The following COL11A2 variants were observed in gnomAD, a reference collection of about 807,000 sequenced individuals.
The protein encoded by COL11A2 is collagen alpha-2(XI) chain.
COL11A2 carries 116 observed loss-of-function variants against 273.4 expected under a neutral mutation model. The observed-to-expected ratio is 0.42, with a 90% CI of 0.36 to 0.49. COL11A2 has a LOEUF of 0.49. Ranked by LOEUF, COL11A2 falls within the 20% of genes least tolerant of loss-of-function variation. COL11A2 has a pLI of 0.00. For missense variants in COL11A2, 1,866 were observed against 2,309.0 expected (o/e 0.81, Z 3.93); for synonymous variants, 782 against 864.2 (o/e 0.90, Z 1.67).
Position 33,168,945 on chromosome 6 carries a change from T to C in COL11A2, c.3852+10A>G. The C allele has an allele frequency of 6.7e-7, 1 of 1,501,082 alleles. No homozygotes were observed. The highest frequency in any genetic ancestry group is 8.9e-7 in the Non-Finnish European group (1 of 1,118,724). 93.0% of individuals were successfully genotyped at this position (1,501,082 alleles called of 1,614,324 possible). Reference sequence around the variant, plus strand: ...CTTTTTGCCCCTTCCCTTCTCTGAGTAAGACTCACCCGAGGGCCACCTTCT... The same window carrying C: ...CTTTTTGCCCCTTCCCTTCTCTGAGCAAGACTCACCCGAGGGCCACCTTCT... On this transcript the variant is annotated intron_variant, in intron 52 of 65. Coordinates refer to ENST00000341947, the MANE Select transcript of COL11A2 (RefSeq NM_080680.3).
In COL11A2 at chr6:33,186,701, G is replaced by C. The variant is rs1772463509; in HGVS notation, c.724C>G (p.His242Asp). 1 of 1,613,596 alleles carries C rather than the reference G, an allele frequency of 6.2e-7. No individual in the cohort carries two copies. Residue 242 changes from histidine to aspartate, a missense_variant, in exon 5 of 66, where the codon CAC becomes GAC. Coordinates refer to ENST00000341947, the MANE Select transcript of COL11A2 (RefSeq NM_080680.3). ...TGCTGTGGAGATCTCTGGGCTCTGT[G>C]AGGCTGTTGGTTTTGGGGTCTTTCC... is the stretch of plus-strand genomic sequence containing the variant. ...QRERPQNQQP[H>D]RAQRSPQQQP...
intron 5 of COL11A2, 38 bp from the exon 6 acceptor site, chr6:33,185,816 G>T: frequency 1.4e-6 from 1 of 730,926 alleles, no homozygotes; most frequent in Non-Finnish European, 2.3e-6. Flanking sequence ...GAAGGGGATG[G>T]GGTAATTGGA....
At position 33,168,899 on chromosome 6, in the gene COL11A2, C is replaced by CG. The variant is rs1427388509; in HGVS notation, c.3852+55_3852+56insC. On this transcript the variant is annotated intron_variant, in intron 52 of 65. Transcript: ENST00000341947. ...CCAAGCCCAGCGGCCACACAGAGGA[C>CG]CCCCCCATAGAAGCCCCACCCTTTT... 3 of 1,472,654 alleles carry CG rather than the reference C, an allele frequency of 2.0e-6. No homozygotes were observed. The East Asian group carries it at 7.6e-5, about 38-fold the overall frequency. The allele number at this position is 1,472,654 out of a possible 1,614,324, so 91.2% of individuals were successfully genotyped here.
chr6:33,166,549 G>A lies in COL11A2; in HGVS notation c.4356C>T (p.Ser1452=), dbSNP rs199515114. The A allele has an allele frequency of 5.0e-5, 80 of 1,613,722 alleles. 1 individual carries two copies. In the East Asian group the frequency reaches 5.6e-4, roughly 11 times the overall value. ...GGGGACCTCCAGGACCAATGGGGCC[G>A]GATGCTCCTGGGATACCCTAGGAAG... ...QKGEMGIPGA[S]GPIGPGGPPG... is the part of the protein sequence containing the mutation. The change falls in exon 60 of 66, where the codon TCC becomes TCT. Residue 1452 remains serine, a synonymous_variant. Coordinates refer to ENST00000341947, the MANE Select transcript of COL11A2 (RefSeq NM_080680.3). This position sits in a 1 kb window ranked among gnomAD's most constrained non-coding sequence, Gnocchi z 4.8.
chr6:33,182,981 C>T (rs1771916348), intron 8 of COL11A2, among the ~76,000 whole-genome samples: 1 of 152,058 alleles, frequency 6.6e-6, no homozygotes, highest in African/African-American at 2.4e-5. Flanking sequence ...CTCTGAAATC[C>T]CATATCAACC....
Position 33,173,982 on chromosome 6 carries a change from A to T in COL11A2, c.2529+29T>A. The T allele has an allele frequency of 3.7e-6, 6 of 1,613,948 alleles. No homozygotes were observed. The highest frequency in any genetic ancestry group is 5.1e-6 in the Non-Finnish European group (6 of 1,179,956). ...CCCAAATGCCCCCCTCTGGACCTTG[A>T]GCCACCTGTTTCTCTCCCCTGCACT... On this transcript the variant is annotated intron_variant, in intron 33 of 65. Transcript: ENST00000341947. This position sits in a 1 kb window ranked among gnomAD's most constrained non-coding sequence, Gnocchi z 6.3.
In COL11A2 at chr6:33,165,483, C is replaced by T; in HGVS notation, c.4750+66G>A. ...ACCTTCACCAAGACTCCCCCAGCAT[C>T]CATTCTGCTTGTTCAGTACCCATGC... On this transcript the variant is annotated intron_variant, in intron 63 of 65. Coordinates refer to ENST00000341947, the MANE Select transcript of COL11A2 (RefSeq NM_080680.3). This position sits in a 1 kb window ranked among gnomAD's most constrained non-coding sequence, Gnocchi z 7.7. 1 of 1,599,660 alleles carries T rather than the reference C, an allele frequency of 6.3e-7. No homozygotes were observed. The highest frequency in any genetic ancestry group is 8.5e-7 in the Non-Finnish European group (1 of 1,177,842).
intron 1 of COL11A2, 88 bp downstream of exon 1, chr6:33,192,071 G>A: frequency 8.0e-7 from 1 of 1,245,176 alleles, no homozygotes; most frequent in East Asian, 2.5e-5. Flanking sequence ...CTCAGAAGCT[G>A]CTGCCCCAGG....
chr6:33,178,684 G>T lies in COL11A2; in HGVS notation c.1714C>A (p.His572Asn), dbSNP rs751888761. ...GLPGLPGEKG[H>N]RGDTGAQGLP... The stretch of plus-strand genomic sequence containing the variant: ...ACACCCACTAATGTACTCACCCTAT[G>T]GCCCTTCTCTCCAGGGAGCCCTGGG... Residue 572 changes from histidine to asparagine, a missense_variant, in exon 18 of 66, where the codon CAT (histidine) becomes AAT (asparagine). Coordinates refer to ENST00000341947, the MANE Select transcript of COL11A2 (RefSeq NM_080680.3). This position sits in a 1 kb window ranked among gnomAD's most constrained non-coding sequence, Gnocchi z 4.6. The T allele has an allele frequency of 9.3e-6, 15 of 1,612,788 alleles. 1 individual carries two copies. Among genetic ancestry groups the T allele is most frequent in the South Asian group, 7.7e-5 (7 of 91,078 alleles).
Position 33,174,198 on chromosome 6 carries a change from G to C in COL11A2, c.2451C>G (p.Gly817=). Residue 817 remains glycine, a synonymous_variant, in exon 32 of 66, where the codon GGC becomes GGG. Coordinates refer to ENST00000341947, the MANE Select transcript of COL11A2 (RefSeq NM_080680.3). ...QGPKGSLGFP[G]FPGASGEKGA... The stretch of plus-strand genomic sequence containing the variant: ...CCTTCTCTCCACTGGCACCAGGAAA[G>C]CCAGGAAATCCTAGGGACCCCTGGT... 6.3e-7 allele frequency: 1 copy of C among 1,577,234 alleles called. No individual in the cohort carries two copies.
chr6:33,171,172 G>C lies in COL11A2; in HGVS notation c.3313-5C>G. The C allele has an allele frequency of 6.2e-7, 1 of 1,609,664 alleles. No individual in the cohort carries two copies. Among genetic ancestry groups the C allele is most frequent in the Non-Finnish European group, 8.5e-7 (1 of 1,177,596 alleles). Reference sequence around the variant, plus strand: ...TCCAGGGGGTCCAGGAGGGCCCTGGGTAAGAGAAGAGAGTCAGAGACACCA... The same window carrying C: ...TCCAGGGGGTCCAGGAGGGCCCTGGCTAAGAGAAGAGAGTCAGAGACACCA... On this transcript the variant is annotated splice_region_variant and splice_polypyrimidine_tract_variant and intron_variant, in intron 44 of 65. Coordinates refer to ENST00000341947, the MANE Select transcript of COL11A2 (RefSeq NM_080680.3).
Position 33,173,727 on chromosome 6 carries a change from C to T in COL11A2, c.2602G>A (p.Gly868Ser). Residue 868 changes from glycine to serine, a missense_variant, in exon 35 of 66, where the codon GGC (glycine) becomes AGC (serine). Gly to Ser is a moderately conservative substitution (Grantham distance 56, BLOSUM62 0). Transcript: ENST00000341947. This position sits in a 1 kb window ranked among gnomAD's most constrained non-coding sequence, Gnocchi z 6.3. ...CTCTCTCCAGGGGGCCCATGGGGGC[C>T]ATCACCACCAGATGTTCCCTGTGGG... is the stretch of plus-strand genomic sequence containing the variant. ...SGAKGTSGGD[G>S]PHGPPGERGL... 6.3e-7 allele frequency: 1 copy of T among 1,581,614 alleles called. No homozygotes were observed. Among genetic ancestry groups the T allele is most frequent in the Non-Finnish European group, 8.6e-7 (1 of 1,162,180 alleles).
At position 33,177,685 on chromosome 6, in the gene COL11A2, G is replaced by A; in HGVS notation, c.1894C>T (p.Pro632Ser). The change falls in exon 22 of 66, where the codon CCC (proline) becomes TCC (serine). Residue 632 changes from proline (P) to serine (S), a missense_variant. Coordinates refer to ENST00000341947, the MANE Select transcript of COL11A2 (RefSeq NM_080680.3). The surrounding 1 kb of genome is among the most constrained non-coding windows in gnomAD (Gnocchi z 5.9). Reference protein sequence around the residue: ...GPPGVRGMDGPQGPKGSLGPQ... With the variant: ...GPPGVRGMDGSQGPKGSLGPQ... ...ACCAAGCTCCCTTTGGGGCCCTGGG[G>A]ACCATCCATGCCTCGGACGCCCTGA... 1.2e-6 allele frequency: 2 copies of A among 1,612,994 alleles called. No homozygotes were observed. Among genetic ancestry groups the A allele is most frequent in the Non-Finnish European group, 8.5e-7 (1 of 1,180,000 alleles).
intron 29 of COL11A2, 51 bp downstream of exon 29, chr6:33,175,965 T>G (rs779878255): frequency 6.2e-7 from 1 of 1,602,140 alleles, no homozygotes; most frequent in South Asian, 1.1e-5. Context: ...GTCTCCAGAG[T>G]GGAGGCTCAG....
At position 33,171,599 on chromosome 6, in the gene COL11A2, T is replaced by C. The variant is rs376703424; in HGVS notation, c.3151-25A>G. The C allele has an allele frequency of 4.3e-6, 7 of 1,610,510 alleles. No homozygotes were observed. In the African/African-American group the frequency reaches 6.7e-5, roughly 15 times the overall value. ...CCTGTGGGACAGGAGGAAGGAGTCA[T>C]GGCCTGGAGGTGACCCTCACCCTCA... On this transcript the variant is annotated intron_variant, in intron 42 of 65. Transcript: ENST00000341947.
rs1243664282 is a variant in COL11A2, at chr6:33,167,160, G to T, written c.4177-37C>A. On this transcript the variant is annotated intron_variant, in intron 57 of 65. Transcript: ENST00000341947. This position sits in a 1 kb window ranked among gnomAD's most constrained non-coding sequence, Gnocchi z 6.1. Reference sequence around the variant, plus strand: ...TGGGAAGTCATTCTCTTAAGGGAGAGGTGGGACCAAGTTCTCCCCAACAGC... The same window carrying T: ...TGGGAAGTCATTCTCTTAAGGGAGATGTGGGACCAAGTTCTCCCCAACAGC... The T allele has an allele frequency of 6.2e-7, 1 of 1,613,656 alleles. No individual in the cohort carries two copies. The highest frequency in any genetic ancestry group is 2.2e-5 in the East Asian group (1 of 44,880).
chr6:33,169,793 C>CTGGG lies in COL11A2; in HGVS notation c.3690+37_3690+38insCCCA. The CTGGG allele has an allele frequency of 1.2e-6, 2 of 1,613,148 alleles. No individual in the cohort carries two copies. Among genetic ancestry groups the CTGGG allele is most frequent in the Non-Finnish European group, 1.7e-6 (2 of 1,179,300 alleles). ...GTGGAGGCAGGGTTGAGGCGGGTGACGGGGACTGGGGAGTAAGGCCTTGGA... is the reference window on the plus strand; with the variant it reads ...GTGGAGGCAGGGTTGAGGCGGGTGACTGGGGGGGACTGGGGAGTAAGGCCTTGGA... On this transcript the variant is annotated intron_variant, in intron 50 of 65. Transcript: ENST00000341947. This position sits in a 1 kb window ranked among gnomAD's most constrained non-coding sequence, Gnocchi z 5.5.
rs1299327368 is a variant in COL11A2 at position 33,186,806 on chromosome 6, C to T, written c.619G>A (p.Glu207Lys). 2 of 1,614,088 alleles carry T rather than the reference C, an allele frequency of 1.2e-6. No homozygotes were observed. Among genetic ancestry groups the T allele is most frequent in the South Asian group, 2.2e-5 (2 of 91,072 alleles). Residue 207 changes from glutamate (E) to lysine (K), a missense_variant, in exon 5 of 66, where the codon GAG becomes AAG. Coordinates refer to ENST00000341947, the MANE Select transcript of COL11A2 (RefSeq NM_080680.3). ...TGGACCCCTGGGACAATGGCCAGCT[C>T]CTGGACATCACCCTGCAAAGACATG... ...DEEVFEGDVQELAIVPGVQAA... is the reference protein window; with the variant it reads ...DEEVFEGDVQKLAIVPGVQAA...
chr6:33,170,001 C>T lies in COL11A2; in HGVS notation c.3636+46G>A. On this transcript the variant is annotated intron_variant, in intron 49 of 65. Transcript: ENST00000341947. The surrounding 1 kb of genome is among the most constrained non-coding windows in gnomAD (Gnocchi z 4.3). ...CCAAAATTGGCAGAAATCCAACTCC[C>T]ATCCCCCACTTCCATGACTGGTCCA... The T allele has an allele frequency of 6.2e-7, 1 of 1,612,948 alleles. No homozygotes were observed. Among genetic ancestry groups the T allele is most frequent in the South Asian group, 1.1e-5 (1 of 91,064 alleles).
Sources: gnomAD v4.1 joint callset for allele counts (sites outside exome capture counted in the v4.1 genomes callset) on GRCh38, gnomAD v4.1.1 for gene constraint, Gnocchi (gnomAD v3.1) non-coding constraint, MANE v1.5 for transcripts, NCBI Gene and HGNC (gene_info 2026-07-23, HGNC 2026-07-21) for gene names.